Variants in GAB2 observed in about 807,000 individuals in gnomAD.
GAB2 encodes the protein GRB2 associated binding protein 2, also known as GRB2-associated-binding protein 2.
A neutral mutation model predicts 65.5 loss-of-function variants in GAB2; 26 were observed. That is an observed-to-expected ratio of 0.40 (90% CI 0.29 to 0.55). The LOEUF (loss-of-function observed/expected upper bound fraction) is 0.55. Ranked by LOEUF, GAB2 falls within the 20% of genes least tolerant of loss-of-function variation. The pLI is 0.53. For synonymous variants in GAB2, 321 were observed against 329.6 expected (o/e 0.97, Z 0.28); for missense variants, 884 against 875.8 (o/e 1.01, Z -0.12).
At chr11:78,311,989 G>A (rs1460274107) in intron 1 of GAB2, among the ~76,000 whole-genome samples, 1 of 152,096 alleles carries the variant, frequency 6.6e-6, no homozygotes, top group Admixed American at 6.5e-5. Context: ...TGTAGTGATA[G>A]ACATCAGCTT....
At chr11:78,384,195 C>T (rs1261791099) in intron 1 of GAB2, among the ~76,000 whole-genome samples, 1 of 152,168 alleles carries the variant, frequency 6.6e-6, no homozygotes, top group Admixed American at 6.5e-5. Context: ...GAGTAAAACT[C>T]TTCCTAGAGC....
intron 1 of GAB2, 80 bp from the exon 2 acceptor site, chr11:78,280,981 T>C (rs945905683): frequency 1.6e-6 from 2 of 1,216,880 alleles, no homozygotes; most frequent in Non-Finnish European, 1.2e-6. Context: ...CAGAGACAGG[T>C]CTTGCCCTGT....
At chr11:78,283,403 A>T (rs879530500) in intron 1 of GAB2, among the ~76,000 whole-genome samples, 2 of 152,180 alleles carry the variant, frequency 1.3e-5, no homozygotes, top group Non-Finnish European at 2.9e-5. Flanking sequence ...GATGATTCCC[A>T]TCAAGACATC....
Position 78,216,815 on chromosome 11 carries a change from GGGGC to G in GAB2, c.*2453_*2456del. The G allele has an allele frequency of 6.6e-6, 1 of 152,200 alleles. No individual in the cohort carries two copies. 9.4% of individuals were successfully genotyped at this position (152,200 alleles called of 1,614,324 possible). On this transcript the variant is annotated 3_prime_UTR_variant, in exon 10 of 10. Transcript: ENST00000361507. ...GCACCAGTTAAAAGCTCTGTCGTAT[GGGGC>G]CCCTTGTAGGGGGCCTTTAAGGCAC...
intron 1 of GAB2, among the ~76,000 whole-genome samples, chr11:78,360,774 G>A (rs933144385): frequency 1.3e-5 from 2 of 152,048 alleles, no homozygotes; most frequent in African/African-American, 4.8e-5. Flanking sequence ...CTGGAGAATC[G>A]CTTGAACTTA....
chr11:78,357,775 C>G (rs141434830), intron 1 of GAB2, among the ~76,000 whole-genome samples: 5,232 of 152,178 alleles, frequency 0.034, 280 homozygotes, highest in African/African-American at 0.12. Flanking sequence ...GAATGGTGAT[C>G]ATTAAAAAGT....
chr11:78,334,628 C>G (rs1855969037), intron 1 of GAB2, among the ~76,000 whole-genome samples: 1 of 152,124 alleles, frequency 6.6e-6, no homozygotes, highest in Non-Finnish European at 1.5e-5. Context: ...GTATAAGTAC[C>G]ACATTTTCTT....
intron 1 of GAB2, among the ~76,000 whole-genome samples, chr11:78,346,717 ATATAAT>A (rs1856194358): frequency 7.5e-5 from 3 of 40,110 alleles, no homozygotes; most frequent in Non-Finnish European, 1.0e-4. Context: ...ATATATATAT[ATATAAT>A]TTTTTTTTTT....
intron 1 of GAB2, among the ~76,000 whole-genome samples, chr11:78,408,758 G>T (rs1857087433): frequency 1.3e-5 from 2 of 152,088 alleles, no homozygotes; most frequent in African/African-American, 2.4e-5. Flanking sequence ...GTGAGTTATT[G>T]TGAGATCTGG....
intron 1 of GAB2, 21 bp downstream of exon 1, chr11:78,417,625 G>A: frequency 3.0e-6 from 4 of 1,316,738 alleles, no homozygotes; most frequent in Non-Finnish European, 4.0e-6. Flanking sequence ...CCCGCCCCTG[G>A]GCGGCCGCGC....
intron 3 of GAB2, among the ~76,000 whole-genome samples, chr11:78,232,942 A>C (rs1407518944): frequency 6.6e-6 from 1 of 151,990 alleles, no homozygotes; most frequent in African/African-American, 2.4e-5. Context: ...TTAAAGCATC[A>C]TTTCTTTCTT....
At chr11:78,412,577 T>C (rs1027883924) in intron 1 of GAB2, among the ~76,000 whole-genome samples, 4 of 152,228 alleles carry the variant, frequency 2.6e-5, no homozygotes, top group Non-Finnish European at 5.9e-5. Context: ...CTCTGTATCT[T>C]GACTGTATCA....
At chr11:78,280,461 A>T in intron 2 of GAB2, 140 bp downstream of exon 2, 1 of 732,834 alleles carries the variant, frequency 1.4e-6, no homozygotes, top group Non-Finnish European at 2.3e-6. Flanking sequence ...ATATTTGGCC[A>T]ACCCCTTCAC....
At chr11:78,406,616 G>C (rs2135089434) in intron 1 of GAB2, among the ~76,000 whole-genome samples, 1 of 152,262 alleles carries the variant, frequency 6.6e-6, no homozygotes, top group South Asian at 2.1e-4. Context: ...GACCTCAGGT[G>C]ACTCACCTGC....
At chr11:78,354,395 T>C (rs1856325592) in intron 1 of GAB2, among the ~76,000 whole-genome samples, 1 of 152,140 alleles carries the variant, frequency 6.6e-6, no homozygotes, top group Admixed American at 6.5e-5. Flanking sequence ...ATATGTACTG[T>C]ACTGTATCAT....
chr11:78,390,078 CA>C (rs1274066462), intron 1 of GAB2, among the ~76,000 whole-genome samples: 1 of 152,098 alleles, frequency 6.6e-6, no homozygotes, highest in Non-Finnish European at 1.5e-5. Flanking sequence ...CGTGCAGTAA[CA>C]AAAGAAAATA....
chr11:78,295,281 A>C (rs1866796027), intron 1 of GAB2, among the ~76,000 whole-genome samples: 1 of 152,126 alleles, frequency 6.6e-6, no homozygotes, highest in Non-Finnish European at 1.5e-5. Context: ...CGGGTCAATA[A>C]ACTCTTTCCT....
At chr11:78,401,931 C>T (rs1216548917) in intron 1 of GAB2, among the ~76,000 whole-genome samples, 1 of 152,174 alleles carries the variant, frequency 6.6e-6, no homozygotes, top group Non-Finnish European at 1.5e-5. Context: ...AAATGAATTT[C>T]CATCTGGTTA....
intron 3 of GAB2, chr11:78,231,744 T>G (rs913798151): frequency 6.6e-6 from 1 of 152,242 alleles, no homozygotes. Flanking sequence ...TATACCATAC[T>G]ATATGATGAT....
Sources: gnomAD v4.1 joint callset for allele counts (sites outside exome capture counted in the v4.1 genomes callset) on GRCh38, gnomAD v4.1.1 for gene constraint, MANE v1.5 for transcripts, NCBI Gene and HGNC (gene_info 2026-07-23, HGNC 2026-07-21) for gene names.